The following RP1 variants were observed in gnomAD, a reference collection of about 807,000 sequenced individuals.
RP1 encodes RP1 axonemal microtubule associated.
RP1 carries 16 observed loss-of-function variants against 14.8 expected under a neutral mutation model. That is an observed-to-expected ratio of 1.08 (90% CI 0.73 to 1.65). RP1 has a LOEUF of 1.65. Among genes scored for constraint, RP1 ranks in the 40% most tolerant of loss-of-function variants. RP1 has a pLI of 0.00. For synonymous variants in RP1, 876 were observed against 883.6 expected (o/e 0.99, Z 0.15); for missense variants, 2,631 against 2,535.0 (o/e 1.04, Z -0.81).
chr8:54,574,421 T>C (rs1483686724), intron 1 of RP1, among the ~76,000 whole-genome samples: 1 of 151,904 alleles, frequency 6.6e-6, no homozygotes, highest in Non-Finnish European at 1.5e-5. Flanking sequence ...AAGGGGAGCA[T>C]GGCACGGGCC....
At chr8:54,840,056 A>T (rs1811752774) in intron 25 of RP1, among the ~76,000 whole-genome samples, 1 of 152,028 alleles carries the variant, frequency 6.6e-6, no homozygotes, top group South Asian at 2.1e-4. Flanking sequence ...AAGATTTAGA[A>T]TTTTGGTTTC....
chr8:54,619,032 T>C (rs546573093), intron 1 of RP1, among the ~76,000 whole-genome samples: 1 of 152,326 alleles, frequency 6.6e-6, no homozygotes, highest in East Asian at 1.9e-4. Context: ...ATTAAGCAGC[T>C]TGCTCAAGGT....
intron 24 of RP1, among the ~76,000 whole-genome samples, chr8:54,811,269 C>T (rs537845321): frequency 3.7e-4 from 57 of 152,288 alleles, no homozygotes; most frequent in African/African-American, 1.3e-3. Context: ...CTGCACTTCA[C>T]CAGCATCCTT....
At chr8:54,637,804 T>C (rs1450371117) in intron 3 of RP1, among the ~76,000 whole-genome samples, 1 of 152,198 alleles carries the variant, frequency 6.6e-6, no homozygotes, top group Non-Finnish European at 1.5e-5. Flanking sequence ...TTTGAACTAT[T>C]TTTTGTTTTC....
At chr8:54,757,361 T>C (rs1809534772) in intron 21 of RP1, among the ~76,000 whole-genome samples, 1 of 152,228 alleles carries the variant, frequency 6.6e-6, no homozygotes. Flanking sequence ...ACCAGAAAGC[T>C]GACTCAGCCT....
Position 54,625,727 on chromosome 8 carries a change from T to C in RP1, c.1845T>C (p.Phe615=), listed in dbSNP as rs201622940. The part of the protein sequence containing the change: ...FSPISADATH[F]SSNNSGTDKN... ...CTATTTCAGCAGATGCAACCCATTTTTCAAGTAATAACTCTGGAACTGACA... is the reference window on the plus strand; with the variant it reads ...CTATTTCAGCAGATGCAACCCATTTCTCAAGTAATAACTCTGGAACTGACA... The change falls in exon 4 of 4, where the codon TTT becomes TTC. Residue 615 remains phenylalanine (F), a synonymous_variant. Coordinates refer to ENST00000220676, the MANE Select transcript of RP1 (RefSeq NM_006269.2). The C allele has an allele frequency of 3.1e-6, 5 of 1,614,066 alleles. No homozygotes were observed. Among genetic ancestry groups the C allele is most frequent in the Non-Finnish European group, 3.4e-6 (4 of 1,179,994 alleles).
chr8:54,706,158 A>G (rs537770375), intron 14 of RP1, among the ~76,000 whole-genome samples: 1 of 152,324 alleles, frequency 6.6e-6, no homozygotes, highest in South Asian at 2.1e-4. Context: ...TTAAGGTGAT[A>G]GTAAATTCCT....
intron 5 of RP1, among the ~76,000 whole-genome samples, chr8:54,655,802 C>A (rs900151588): frequency 1.3e-5 from 2 of 152,008 alleles, no homozygotes; most frequent in African/African-American, 4.8e-5. Context: ...AGGATCACTT[C>A]AGCCTAGGAG....
Position 54,628,823 on chromosome 8 carries a change from T to C in RP1, c.4941T>C (p.Phe1647=). 1.2e-6 allele frequency: 2 copies of C among 1,614,156 alleles called. No individual in the cohort carries two copies. Among genetic ancestry groups the C allele is most frequent in the South Asian group, 1.1e-5 (1 of 91,078 alleles). The change falls in exon 4 of 4, where the codon TTT becomes TTC. Residue 1647 remains phenylalanine, a synonymous_variant. Transcript: ENST00000220676. ...GKADIIKPSF[F]PGSTRKSQVC... is the part of the protein sequence containing the mutation. ...CAGATATTATCAAACCATCTTTTTTTCCTGGGTCTACCCGCAAATCTCAGG... is the reference window on the plus strand; with the variant it reads ...CAGATATTATCAAACCATCTTTTTTCCCTGGGTCTACCCGCAAATCTCAGG...
At chr8:54,754,799 C>T in intron 19 of RP1, 14 of 1,491,822 alleles carry the variant, frequency 9.4e-6, no homozygotes, top group Non-Finnish European at 1.2e-5. Flanking sequence ...TCTTCTAATT[C>T]CAGGTGACCA....
rs146960886 is a variant in RP1 at position 54,665,675 on chromosome 8, G to A, written c.1323+1825G>A. Among the ~76,000 whole-genome samples, 26 of 152,280 alleles carry A rather than the reference G, an allele frequency of 1.7e-4. No homozygotes were observed. The East Asian group carries it at 4.8e-3, about 28-fold the overall frequency. On this transcript the variant is annotated intron_variant, in intron 7 of 22. Transcript: ENST00000636932. ...GCTGTTTGTTGCTCCCAAGAGCCTA[G>A]CAAATGCCCAGTTTCATCAGTTCTT...
chr8:54,681,480 ATT>A (rs1491411360), intron 12 of RP1, among the ~76,000 whole-genome samples: 134 of 110,268 alleles, frequency 1.2e-3, no homozygotes, highest in Admixed American at 1.9e-3. Context: ...TTATTTTTTG[ATT>A]TGTGTGTGTG....
intron 22 of RP1, among the ~76,000 whole-genome samples, chr8:54,768,897 C>CTTTT (rs138672609): frequency 7.2e-6 from 1 of 138,660 alleles, no homozygotes; most frequent in Non-Finnish European, 1.6e-5. Flanking sequence ...TGGTTATATT[C>CTTTT]TTTTTTTTTT....
chr8:54,602,972 T>C (rs2129305661), intron 1 of RP1, among the ~76,000 whole-genome samples: 1 of 152,332 alleles, frequency 6.6e-6, no homozygotes, highest in East Asian at 1.9e-4. Flanking sequence ...AAAAATTTTC[T>C]CCCATTCTGT....
exon 7 of RP1, chr8:54,663,711 A>G: frequency 6.6e-7 from 1 of 1,526,588 alleles, no homozygotes; most frequent in Non-Finnish European, 8.7e-7. Flanking sequence ...ACAATATATG[A>G]AGTGAATGTG....
In RP1 at chr8:54,638,880, T is replaced by TTC. The variant is rs56712955; in HGVS notation, c.788-10078_788-10077dup. ...AATAATTCCTTAATTTTTAATTTTC[T>TTC]TCTCTCTCTCTCTCTCTCTCTCTCT... On this transcript the variant is annotated intron_variant, in intron 3 of 22. Coordinates refer to the RP1 transcript ENST00000636932. Among the ~76,000 whole-genome samples the TTC allele has an allele frequency of 8.9e-3, 1,070 of 120,230 alleles. 7 individuals are homozygous for TTC. The highest frequency in any genetic ancestry group is 0.02 in the South Asian group (80 of 4,004). 78.9% of individuals were successfully genotyped at this position (120,230 alleles called of 152,430 possible). A position where few individuals can be genotyped will look rare whatever the true frequency, so the allele number is the denominator to read the frequency against.
chr8:54,733,914 C>T (rs746309749), intron 17 of RP1, among the ~76,000 whole-genome samples: 1 of 152,116 alleles, frequency 6.6e-6, no homozygotes, highest in Non-Finnish European at 1.5e-5. Flanking sequence ...TGTGTTTGGG[C>T]ACTGCTGGTT....
At chr8:54,760,693 A>T (rs1372682493) in intron 22 of RP1, among the ~76,000 whole-genome samples, 2 of 152,138 alleles carry the variant, frequency 1.3e-5, no homozygotes, top group African/African-American at 2.4e-5. Context: ...TCTTAGTGAA[A>T]TTAGACCCCT....
chr8:54,607,607 G>C (rs757237497), intron 1 of RP1, among the ~76,000 whole-genome samples: 9 of 152,140 alleles, frequency 5.9e-5, no homozygotes, highest in Non-Finnish European at 1.0e-4. Context: ...ATAGGTTTCT[G>C]CTGCCTTTTA....
Sources: allele counts gnomAD v4.1 joint callset (sites outside exome capture counted in the v4.1 genomes callset), GRCh38; gene constraint gnomAD v4.1.1; transcripts MANE v1.5; gene names NCBI Gene and HGNC (gene_info 2026-07-23, HGNC 2026-07-21).